Variants in TRHDE observed in about 807,000 individuals in gnomAD.
TRHDE encodes thyrotropin-releasing hormone-degrading ectoenzyme.
In TRHDE, 72 loss-of-function variants were observed where a neutral mutation model predicts 125.7. The ratio of observed to expected loss-of-function variants is 0.57; its 90% confidence interval spans 0.47 to 0.70. TRHDE has a LOEUF of 0.70. Ranked by LOEUF, TRHDE falls within the 30% of genes least tolerant of loss-of-function variation. The pLI is 0.00. For missense variants in TRHDE, 1,110 were observed against 1,327.1 expected, an observed-to-expected ratio of 0.84 and a Z score of 2.54; for synonymous variants, 509 against 509.1, an observed-to-expected ratio of 1.00 and a Z score of 0.00.
rs115893807 is a variant in TRHDE, at chr12:72,594,699, A to T, written c.2321+19157A>T. ...CAAACTTTTACTTATGAACTACTCT[A>T]ATGTGGCAATTCCTCAGGGATCTAG... On this transcript the variant is annotated intron_variant, in intron 12 of 18. Transcript: ENST00000261180. 8.4e-3 allele frequency among the ~76,000 whole-genome samples: 1,271 copies of T among 152,184 alleles called. 23 individuals are homozygous for T. The highest frequency in any genetic ancestry group is 0.029 in the African/African-American group (1,218 of 41,518).
At chr12:72,620,499 G>C (rs1873007876) in intron 13 of TRHDE, among the ~76,000 whole-genome samples, 1 of 151,864 alleles carries the variant, frequency 6.6e-6, no homozygotes, top group Non-Finnish European at 1.5e-5. Flanking sequence ...ACTCCAGCCT[G>C]AGCAACAGAG....
At position 72,537,828 on chromosome 12, in the gene TRHDE, A is replaced by G. The variant is rs1868945071; in HGVS notation, c.1723-4463A>G. The stretch of plus-strand genomic sequence containing the variant: ...AGGAACAGTTTTTGGCAATGAGCGT[A>G]TAATGGTGACAGACCAATTCCCCAC... On this transcript the variant is annotated intron_variant, in intron 6 of 18. Coordinates refer to ENST00000261180, the MANE Select transcript of TRHDE (RefSeq NM_013381.3). Among the ~76,000 whole-genome samples, 6 of 152,094 alleles carry G rather than the reference A, an allele frequency of 3.9e-5. 1 individual carries two copies. In the South Asian group the frequency reaches 1.2e-3, roughly 31 times the overall value.
intron 2 of TRHDE, among the ~76,000 whole-genome samples, chr12:72,332,538 C>A (rs1442932522): frequency 6.6e-6 from 1 of 152,200 alleles, no homozygotes; most frequent in South Asian, 2.1e-4. Flanking sequence ...ATGATCCAAT[C>A]ACCTCCCACC....
chr12:72,105,191 A>G (rs960333101), intron 1 of TRHDE, among the ~76,000 whole-genome samples: 2 of 152,204 alleles, frequency 1.3e-5, no homozygotes, highest in Non-Finnish European at 2.9e-5. Context: ...AAGGAAGTAC[A>G]TGGTTAAAAT....
At chr12:72,581,100 C>G (rs1871203946) in intron 12 of TRHDE, among the ~76,000 whole-genome samples, 1 of 151,932 alleles carries the variant, frequency 6.6e-6, no homozygotes, top group Non-Finnish European at 1.5e-5. Context: ...AGAACTATTA[C>G]AGCAGCAATG....
chr12:72,380,229 C>T (rs1466057273), intron 3 of TRHDE, among the ~76,000 whole-genome samples: 3 of 152,120 alleles, frequency 2.0e-5, no homozygotes, highest in Non-Finnish European at 4.4e-5. Context: ...GGACATTTTT[C>T]TATGAGAAGC....
intron 6 of TRHDE, among the ~76,000 whole-genome samples, chr12:72,508,722 G>C (rs916845981): frequency 1.3e-5 from 2 of 152,104 alleles, no homozygotes; most frequent in Non-Finnish European, 2.9e-5. Flanking sequence ...TTGTATTTGC[G>C]ATGGGAGAAG....
At chr12:72,423,470 C>T (rs1240858091) in intron 3 of TRHDE, among the ~76,000 whole-genome samples, 1 of 152,124 alleles carries the variant, frequency 6.6e-6, no homozygotes, top group Non-Finnish European at 1.5e-5. Flanking sequence ...CTGATTCCCA[C>T]TCATAACGCA....
chr12:72,204,297 T>C (rs1877621076), intron 2 of TRHDE, among the ~76,000 whole-genome samples: 1 of 152,184 alleles, frequency 6.6e-6, no homozygotes, highest in South Asian at 2.1e-4. Context: ...CTTCATCTAA[T>C]ACCCTATCTC....
intron 15 of TRHDE, among the ~76,000 whole-genome samples, chr12:72,633,445 G>C (rs1873582161): frequency 6.6e-6 from 1 of 152,004 alleles, no homozygotes; most frequent in Admixed American, 6.6e-5. Context: ...ATTGCAGACT[G>C]TTTTTTGGAC....
At chr12:72,088,265 G>A (rs548246517) in intron 1 of TRHDE, among the ~76,000 whole-genome samples, 2 of 152,142 alleles carry the variant, frequency 1.3e-5, no homozygotes, top group African/African-American at 2.4e-5. Context: ...TGATAATAAC[G>A]AGGAAGACTG....
chr12:72,217,349 C>A (rs1877914190), intron 2 of TRHDE, among the ~76,000 whole-genome samples: 1 of 152,242 alleles, frequency 6.6e-6, no homozygotes, highest in East Asian at 1.9e-4. Flanking sequence ...AACTATCCAT[C>A]CACATCTTGG....
At chr12:72,160,615 G>C (rs1876616084) in intron 2 of TRHDE, among the ~76,000 whole-genome samples, 1 of 152,082 alleles carries the variant, frequency 6.6e-6, no homozygotes, top group Non-Finnish European at 1.5e-5. Context: ...CTTGAACCTG[G>C]GAGGCGGAGG....
In TRHDE at chr12:72,621,377, C is replaced by T. The variant is rs557477413; in HGVS notation, c.2567+172C>T. 365 of 595,548 alleles carry T rather than the reference C, an allele frequency of 6.1e-4. 2 individuals carry two copies. In the African/African-American group the frequency reaches 6.3e-3, roughly 10 times the overall value. The allele number at this position is 595,548 out of a possible 1,614,324, so 36.9% of individuals were successfully genotyped here. ...GTAGCACAGTTTCCATTGCCTGATC[C>T]TGAGAACAAAGACGTTTCCTTGCTG... On this transcript the variant is annotated intron_variant, in intron 14 of 18. Coordinates refer to ENST00000261180, the MANE Select transcript of TRHDE (RefSeq NM_013381.3).
chr12:72,277,758 G>T (rs1280469410), intron 1 of TRHDE, among the ~76,000 whole-genome samples: 1 of 152,054 alleles, frequency 6.6e-6, no homozygotes, highest in Non-Finnish European at 1.5e-5. Context: ...TTGTCTTTCT[G>T]TGTTTCCTGT....
intron 2 of TRHDE, among the ~76,000 whole-genome samples, chr12:72,345,511 T>A (rs1369245915): frequency 6.6e-6 from 1 of 152,154 alleles, no homozygotes; most frequent in African/African-American, 2.4e-5. Context: ...TAATTACCTT[T>A]GTTTTCAATA....
At chr12:72,379,613 C>T (rs1872053915) in intron 3 of TRHDE, among the ~76,000 whole-genome samples, 1 of 152,186 alleles carries the variant, frequency 6.6e-6, no homozygotes, top group Admixed American at 6.5e-5. Context: ...TATTTGTCCC[C>T]TTCAGACCAG....
chr12:72,522,919 A>C (rs1868272829), intron 6 of TRHDE, among the ~76,000 whole-genome samples: 1 of 152,094 alleles, frequency 6.6e-6, no homozygotes, highest in African/African-American at 2.4e-5. Context: ...CGGACCATTG[A>C]TCTGCCCCTT....
At chr12:72,529,267 C>T (rs983046344) in intron 6 of TRHDE, among the ~76,000 whole-genome samples, 2 of 152,008 alleles carry the variant, frequency 1.3e-5, no homozygotes, top group Non-Finnish European at 2.9e-5. Flanking sequence ...AAATAAAAAT[C>T]TCAACCGAGA....
Sources: gnomAD v4.1 joint callset for allele counts (sites outside exome capture counted in the v4.1 genomes callset) on GRCh38, gnomAD v4.1.1 for gene constraint, MANE v1.5 for transcripts, NCBI Gene and HGNC (gene_info 2026-07-23, HGNC 2026-07-21) for gene names.